The following MYO16 variants were observed in gnomAD, a reference collection of about 807,000 sequenced individuals.
MYO16 encodes the protein myosin XVI.
In MYO16, 94 loss-of-function variants were observed where a neutral mutation model predicts 205.3. That is an observed-to-expected ratio of 0.46 (90% CI 0.39 to 0.54). The LOEUF (loss-of-function observed/expected upper bound fraction) is 0.54, where lower values mean the gene tolerates loss of function less well. MYO16 is among the 20% of genes least tolerant of loss of function. The probability of loss-of-function intolerance (pLI) is 0.00; values close to 1 mark genes in which losing one functional copy is unlikely to be tolerated. For synonymous variants in MYO16, 988 were observed against 954.0 expected (o/e 1.04, Z -0.66); for missense variants, 2,315 against 2,387.5 (o/e 0.97, Z 0.63).
intron 2 of MYO16, among the ~76,000 whole-genome samples, chr13:108,676,676 T>C (rs751457514): frequency 1.3e-5 from 2 of 152,154 alleles, no homozygotes; most frequent in African/African-American, 4.8e-5. Flanking sequence ...CCAAAGCCCA[T>C]GTGGAGTGAG....
At chr13:109,057,452 C>A (rs1887449194) in intron 27 of MYO16, among the ~76,000 whole-genome samples, 1 of 152,106 alleles carries the variant, frequency 6.6e-6, no homozygotes, top group African/African-American at 2.4e-5. Flanking sequence ...GGAATAACTA[C>A]AAAGTTGGGC....
chr13:108,857,499 A>G (rs1878243018), intron 11 of MYO16, among the ~76,000 whole-genome samples: 1 of 152,210 alleles, frequency 6.6e-6, no homozygotes, highest in Non-Finnish European at 1.5e-5. Context: ...AATAAGGACT[A>G]TAGACATCTG....
At chr13:108,961,054 G>A (rs1439027724) in intron 17 of MYO16, among the ~76,000 whole-genome samples, 1 of 152,072 alleles carries the variant, frequency 6.6e-6, no homozygotes, top group Non-Finnish European at 1.5e-5. Flanking sequence ...TAATCATCGT[G>A]TTAATTTATC....
the MYO16 span, among the ~76,000 whole-genome samples, chr13:108,583,082 G>A: frequency 1.3e-5 from 2 of 152,138 alleles, no homozygotes; most frequent in African/African-American, 4.8e-5. Context: ...AATAATATTT[G>A]TAGATTTATA....
Position 108,874,432 on chromosome 13 carries a change from T to G in MYO16, c.1425+8190T>G, listed in dbSNP as rs535430245. Among the ~76,000 whole-genome samples, 44 of 152,322 alleles carry G rather than the reference T, an allele frequency of 2.9e-4. No individual in the cohort carries two copies. In the South Asian group the frequency reaches 8.5e-3, roughly 29 times the overall value. On this transcript the variant is annotated intron_variant, in intron 12 of 34. Transcript: ENST00000457511. ...AATGAAAACAGCTGCCATTGTTTAGTGCTTATTACATGGCAGAACTGCCTC... is the reference window on the plus strand; with the variant it reads ...AATGAAAACAGCTGCCATTGTTTAGGGCTTATTACATGGCAGAACTGCCTC...
the MYO16 span, among the ~76,000 whole-genome samples, chr13:108,533,128 G>A: frequency 2.0e-5 from 3 of 152,190 alleles, no homozygotes; most frequent in Non-Finnish European, 4.4e-5. Context: ...GGTGAGGGGA[G>A]ACCACATTGT....
intron 2 of MYO16, among the ~76,000 whole-genome samples, chr13:108,692,367 G>A (rs74116417): frequency 0.015 from 2,217 of 152,308 alleles, 64 homozygotes; most frequent in African/African-American, 0.051. Flanking sequence ...TTTAAGAAAT[G>A]TTTCAGGTAA....
At chr13:108,615,970 A>T (rs933749967) in intron 1 of MYO16, among the ~76,000 whole-genome samples, 8 of 152,282 alleles carry the variant, frequency 5.3e-5, no homozygotes, top group Admixed American at 2.6e-4. Context: ...GCAGTCCCTT[A>T]TATCCTGAAG....
chr13:109,078,195 C>T (rs755422263), intron 27 of MYO16, among the ~76,000 whole-genome samples: 1 of 150,332 alleles, frequency 6.7e-6, no homozygotes, highest in Non-Finnish European at 1.5e-5. Flanking sequence ...TTTGGAAGGT[C>T]AGGGCAGGCA....
chr13:108,916,254 C>T (rs1401983332), intron 16 of MYO16, among the ~76,000 whole-genome samples: 2 of 152,152 alleles, frequency 1.3e-5, no homozygotes, highest in Non-Finnish European at 2.9e-5. Context: ...GCCAGGCACT[C>T]TCTGAAGTGT....
intron 1 of MYO16, among the ~76,000 whole-genome samples, chr13:108,631,202 C>A (rs1179234926): frequency 6.6e-6 from 1 of 152,100 alleles, no homozygotes; most frequent in African/African-American, 2.4e-5. Context: ...CCTTGCTGTG[C>A]CTCTGCAGAG....
intron 4 of MYO16, among the ~76,000 whole-genome samples, chr13:108,759,701 G>A (rs910835480): frequency 7.1e-6 from 1 of 141,072 alleles, no homozygotes; most frequent in Non-Finnish European, 1.5e-5. Context: ...GGCGCCTATA[G>A]TCCCAGCTAC....
At chr13:108,529,275 TAG>T in the MYO16 span, among the ~76,000 whole-genome samples, 3 of 152,212 alleles carry the variant, frequency 2.0e-5, no homozygotes, top group Admixed American at 1.3e-4. Flanking sequence ...TCAGAGCAGG[TAG>T]AGTTACGTGC....
intron 4 of MYO16, among the ~76,000 whole-genome samples, chr13:108,729,034 T>G (rs1175487495): frequency 6.6e-6 from 1 of 152,028 alleles, no homozygotes; most frequent in Non-Finnish European, 1.5e-5. Flanking sequence ...GTGTATTTCT[T>G]TCAAATTCTG....
chr13:108,888,185 G>T (rs539212629), intron 13 of MYO16, among the ~76,000 whole-genome samples, 187 bp from the exon 14 acceptor site: 21 of 152,304 alleles, frequency 1.4e-4, no homozygotes, highest in African/African-American at 5.1e-4. Flanking sequence ...GAATCAAATT[G>T]AAGTGTGAAC....
the MYO16 span, among the ~76,000 whole-genome samples, chr13:108,548,208 T>C: frequency 6.6e-6 from 1 of 151,780 alleles, no homozygotes; most frequent in African/African-American, 2.4e-5. Context: ...CATATGATAA[T>C]GATGATGATG....
At chr13:108,812,224 C>T (rs1160092174) in intron 7 of MYO16, among the ~76,000 whole-genome samples, 1 of 151,472 alleles carries the variant, frequency 6.6e-6, no homozygotes, top group East Asian at 2.0e-4. Context: ...TGTACAAGCA[C>T]CCTGCATATC....
chr13:109,172,798 T>A (rs1401543475), intron 33 of MYO16, among the ~76,000 whole-genome samples: 1 of 149,768 alleles, frequency 6.7e-6, no homozygotes, highest in African/African-American at 2.5e-5. Context: ...TCATGAGGGT[T>A]TATCCAACAG....
the MYO16 span, among the ~76,000 whole-genome samples, chr13:108,554,848 TAAAAAAA>T: frequency 1.8e-4 from 14 of 77,992 alleles, no homozygotes; most frequent in East Asian, 9.5e-4. Context: ...AGACTCTGAC[TAAAAAAA>T]AAAAAAAAAA....
Sources: allele counts gnomAD v4.1 joint callset (sites outside exome capture counted in the v4.1 genomes callset), GRCh38; gene constraint gnomAD v4.1.1; transcripts MANE v1.5; gene names NCBI Gene and HGNC (gene_info 2026-07-23, HGNC 2026-07-21).